Variants in STAM2 observed in about 807,000 individuals in gnomAD.
STAM2 encodes the protein signal transducing adaptor molecule 2, also known as signal transducing adapter molecule 2.
In STAM2, 51 loss-of-function variants were observed where a neutral mutation model predicts 65.6. That is an observed-to-expected ratio of 0.78 (90% CI 0.62 to 0.98). STAM2 has a LOEUF of 0.98. Among genes scored for constraint, STAM2 ranks in the 50% least tolerant of loss-of-function variants. The pLI, the probability that STAM2 is intolerant of heterozygous loss-of-function variation, is 0.00. For missense variants in STAM2, 584 were observed against 617.8 expected (o/e 0.95, Z 0.58); for synonymous variants, 198 against 208.4 (o/e 0.95, Z 0.43).
intron 11 of STAM2, among the ~76,000 whole-genome samples, chr2:152,127,682 T>C (rs964599574): frequency 7.9e-5 from 12 of 151,952 alleles, no homozygotes; most frequent in Non-Finnish European, 1.6e-4. Context: ...CTACAGCTCA[T>C]TTGTTGGTTG....
At chr2:152,141,773 T>C (rs1689252560) in intron 7 of STAM2, among the ~76,000 whole-genome samples, 1 of 151,702 alleles carries the variant, frequency 6.6e-6, no homozygotes, top group Admixed American at 6.6e-5. Flanking sequence ...GTATTTTTAG[T>C]AGAGACAGGG....
chr2:152,170,504 T>C (rs1027706956), intron 1 of STAM2, among the ~76,000 whole-genome samples: 1 of 150,310 alleles, frequency 6.7e-6, no homozygotes, highest in African/African-American at 2.4e-5. Context: ...AAAAAGAATC[T>C]TGCACCCATA....
chr2:152,153,970 A>G (rs1024086698), intron 1 of STAM2, among the ~76,000 whole-genome samples: 17 of 152,118 alleles, frequency 1.1e-4, no homozygotes, highest in Non-Finnish European at 1.5e-5. Flanking sequence ...TATAAGGTGT[A>G]TAAAGGCAGC....
At chr2:152,151,925 G>GGGTTGGTT (rs761550527) in intron 1 of STAM2, among the ~76,000 whole-genome samples, 2 of 152,038 alleles carry the variant, frequency 1.3e-5, no homozygotes, top group East Asian at 1.9e-4. Flanking sequence ...ATGAACATCT[G>GGGTTGGTT]GGTTGGTTGG....
chr2:152,163,607 G>A (rs1405943847), intron 1 of STAM2, among the ~76,000 whole-genome samples: 3 of 152,150 alleles, frequency 2.0e-5, no homozygotes, highest in East Asian at 1.9e-4. Context: ...GACTGCCTGC[G>A]GGGTAGGGCA....
intron 11 of STAM2, 106 bp from the exon 12 acceptor site, chr2:152,126,485 G>A (rs932544383): frequency 1.5e-4 from 97 of 654,234 alleles, no homozygotes; most frequent in Non-Finnish European, 4.8e-5. Context: ...TATATTAAAA[G>A]GCTTTTTTAT....
chr2:152,136,088 C>CA (rs1228963447), intron 7 of STAM2, among the ~76,000 whole-genome samples: 2,291 of 55,266 alleles, frequency 0.041, 32 homozygotes, highest in Middle Eastern at 0.056. Flanking sequence ...AGACTCGTCT[C>CA]AAAAAAAAAA....
chr2:152,165,388 G>C (rs930727666), intron 1 of STAM2, among the ~76,000 whole-genome samples: 2 of 151,788 alleles, frequency 1.3e-5, no homozygotes, highest in Non-Finnish European at 2.9e-5. Context: ...CCGAGATAGC[G>C]CCACTGCACT....
At chr2:152,121,937 A>G (rs1409514417) in intron 13 of STAM2, among the ~76,000 whole-genome samples, 1 of 151,834 alleles carries the variant, frequency 6.6e-6, no homozygotes, top group Admixed American at 6.6e-5. Context: ...AGTCCCAGCT[A>G]CTCAGGAGGC....
intron 8 of STAM2, among the ~76,000 whole-genome samples, chr2:152,134,198 C>G (rs1402655457): frequency 6.6e-6 from 1 of 152,094 alleles, no homozygotes; most frequent in East Asian, 1.9e-4. Flanking sequence ...AATTTTAAAT[C>G]CCAACTGTTA....
intron 1 of STAM2, among the ~76,000 whole-genome samples, chr2:152,161,289 C>A (rs1689670876): frequency 6.6e-6 from 1 of 150,774 alleles, no homozygotes; most frequent in South Asian, 2.1e-4. Flanking sequence ...TAAACAGATG[C>A]TTGAAGGCAG....
chr2:152,144,874 G>A lies in STAM2; in HGVS notation c.517+14C>T. On this transcript the variant is annotated intron_variant, in intron 6 of 13. Transcript: ENST00000263904. ...TTTTAAGCAACACTAAATTACATGT[G>A]CTTGATCATTTACCTTTAGCTATGT... The A allele has an allele frequency of 6.2e-7, 1 of 1,610,214 alleles. No homozygotes were observed. Among genetic ancestry groups the A allele is most frequent in the Non-Finnish European group, 8.5e-7 (1 of 1,176,612 alleles).
intron 7 of STAM2, 33 bp from the exon 8 acceptor site, chr2:152,135,636 C>A: frequency 7.2e-7 from 1 of 1,395,932 alleles, no homozygotes; most frequent in South Asian, 1.2e-5. Context: ...ATCATTTGTT[C>A]CCCACATTTT....
chr2:152,145,093 A>G, intron 5 of STAM2, 136 bp from the exon 6 acceptor site: 1 of 697,134 alleles, frequency 1.4e-6, no homozygotes, highest in Non-Finnish European at 2.5e-6. Context: ...CTTTTTTGAG[A>G]CAGGGTCTCA....
chr2:152,151,103 A>G (rs1689436611), intron 1 of STAM2, among the ~76,000 whole-genome samples: 1 of 152,162 alleles, frequency 6.6e-6, no homozygotes, highest in Non-Finnish European at 1.5e-5. Flanking sequence ...GAATCTCAAA[A>G]TATGATTTGC....
At chr2:152,164,065 T>G (rs1278440605) in intron 1 of STAM2, among the ~76,000 whole-genome samples, 1 of 152,148 alleles carries the variant, frequency 6.6e-6, no homozygotes, top group Non-Finnish European at 1.5e-5. Context: ...CCCTCCCCTT[T>G]TGAAATCCTT....
At chr2:152,130,079 C>T (rs12623355) in intron 11 of STAM2, among the ~76,000 whole-genome samples, 29,712 of 151,790 alleles carry the variant, frequency 0.2, 3,298 homozygotes, top group Admixed American at 0.29. Context: ...TCAATAAATA[C>T]CACTAGAAAG....
intron 1 of STAM2, among the ~76,000 whole-genome samples, chr2:152,171,711 C>T (rs1346204755): frequency 6.6e-6 from 1 of 152,214 alleles, no homozygotes; most frequent in Non-Finnish European, 1.5e-5. Flanking sequence ...TAAAAGCTAA[C>T]AATTCAAACC....
chr2:152,163,764 G>A (rs928742387), intron 1 of STAM2, among the ~76,000 whole-genome samples: 1 of 152,116 alleles, frequency 6.6e-6, no homozygotes, highest in Non-Finnish European at 1.5e-5. Flanking sequence ...GTCTATAAAC[G>A]GCCGCTCTGG....
Sources: gnomAD v4.1 joint callset for allele counts (sites outside exome capture counted in the v4.1 genomes callset) on GRCh38, gnomAD v4.1.1 for gene constraint, MANE v1.5 for transcripts, NCBI Gene and HGNC (gene_info 2026-07-23, HGNC 2026-07-21) for gene names.